The following LGI1 variants were observed in gnomAD, a reference collection of about 807,000 sequenced individuals.
LGI1 encodes the protein leucine rich glioma inactivated 1.
In LGI1, 11 loss-of-function variants were observed where a neutral mutation model predicts 57.7. The ratio of observed to expected loss-of-function variants is 0.19; its 90% CI spans 0.12 to 0.32. The LOEUF is 0.32. Ranked by LOEUF, LGI1 falls within the 10% of genes least tolerant of loss-of-function variation. LGI1 has a pLI of 1.00. For missense variants in LGI1, 422 were observed against 661.9 expected (o/e 0.64, Z 3.98); for synonymous variants, 222 against 241.9 (o/e 0.92, Z 0.76).
At chr10:93,796,726 A>G (rs189431163) in intron 7 of LGI1, among the ~76,000 whole-genome samples, 4 of 152,348 alleles carry the variant, frequency 2.6e-5, no homozygotes, top group Non-Finnish European at 2.9e-5. Context: ...CTGAACGTCT[A>G]GCGCAGGCTA....
intron 7 of LGI1, chr10:93,794,406 C>T (rs2059963243): frequency 6.8e-6 from 1 of 147,560 alleles, no homozygotes; most frequent in Non-Finnish European, 1.5e-5. Flanking sequence ...CTCTGTTACC[C>T]AGGCTGGAGT....
At chr10:93,769,654 T>C (rs1241294547) in intron 2 of LGI1, 3 of 152,232 alleles carry the variant, frequency 2.0e-5, no homozygotes, top group African/African-American at 7.2e-5. Context: ...TGAAACAGAT[T>C]TACCTACTTG....
At chr10:93,784,761 T>C (rs1040939398) in intron 4 of LGI1, among the ~76,000 whole-genome samples, 1 of 152,140 alleles carries the variant, frequency 6.6e-6, no homozygotes, top group Non-Finnish European at 1.5e-5. Context: ...GGCTAACAGA[T>C]CTTTGCAGAG....
intron 2 of LGI1, among the ~76,000 whole-genome samples, chr10:93,774,136 G>A (rs1011394619): frequency 3.9e-5 from 6 of 152,158 alleles, no homozygotes; most frequent in Admixed American, 6.5e-5. Context: ...GCAAGGAGCA[G>A]AGACCCCTTG....
chr10:93,780,431 C>A (rs942014795), intron 4 of LGI1: 1 of 152,178 alleles, frequency 6.6e-6, no homozygotes, highest in Non-Finnish European at 1.5e-5. Flanking sequence ...CTTCAAAGTG[C>A]ACTTTTCTCC....
Position 93,758,502 on chromosome 10 carries a change from G to T in LGI1, c.215+143G>T. 1 of 898,388 alleles carries T rather than the reference G, an allele frequency of 1.1e-6. No individual in the cohort carries two copies. Among genetic ancestry groups the T allele is most frequent in the Admixed American group, 2.0e-5 (1 of 49,766 alleles). 55.7% of individuals were successfully genotyped at this position (898,388 alleles called of 1,614,324 possible). A position where few individuals can be genotyped will look rare whatever the true frequency, so the allele number is the denominator to read the frequency against. ...TGGCCATTTGACAGTGCTAACATTT[G>T]CTGCATTTAGAATTTTTGATTTTTT... On this transcript the variant is annotated intron_variant, in intron 1 of 7. Coordinates refer to ENST00000371418, the MANE Select transcript of LGI1 (RefSeq NM_005097.4). This position sits in a 1 kb window ranked among gnomAD's most constrained non-coding sequence, Gnocchi z 4.7.
At chr10:93,771,138 T>C (rs2059733663) in intron 2 of LGI1, 1 of 152,250 alleles carries the variant, frequency 6.6e-6, no homozygotes, top group East Asian at 1.9e-4. Flanking sequence ...CATACTCAAA[T>C]AGGGGAGATT....
chr10:93,775,586 A>G (rs11187661), intron 2 of LGI1, among the ~76,000 whole-genome samples: 5,224 of 152,306 alleles, frequency 0.034, 314 homozygotes, highest in African/African-American at 0.12. Flanking sequence ...TTCAGTGTCC[A>G]CTAGAGGACA....
chr10:93,792,936 C>T (rs773220482), intron 6 of LGI1, 24 bp downstream of exon 6: 2 of 1,608,436 alleles, frequency 1.2e-6, no homozygotes, highest in East Asian at 4.5e-5. Flanking sequence ...CATCATTCCA[C>T]CTCAAAAAAT....
chr10:93,792,648 A>G (rs1161469253), intron 5 of LGI1, 95 bp from the exon 6 acceptor site: 1 of 1,282,242 alleles, frequency 7.8e-7, no homozygotes, highest in Non-Finnish European at 1.1e-6. Flanking sequence ...AACGCCGGGT[A>G]AGGTCATTCT....
chr10:93,766,076 G>A (rs971504626), intron 2 of LGI1, among the ~76,000 whole-genome samples: 1 of 151,866 alleles, frequency 6.6e-6, no homozygotes, highest in Non-Finnish European at 1.5e-5. Context: ...GAAACTGGCT[G>A]TTATAAGGTT....
At chr10:93,760,619 A>G (rs971479226) in intron 2 of LGI1, among the ~76,000 whole-genome samples, 1 of 152,162 alleles carries the variant, frequency 6.6e-6, no homozygotes, top group Non-Finnish European at 1.5e-5. Flanking sequence ...CCACATCTCC[A>G]CTTTGTTTTT....
intron 2 of LGI1, chr10:93,763,492 T>C (rs1036933876): frequency 2.0e-5 from 3 of 152,254 alleles, no homozygotes; most frequent in Non-Finnish European, 4.4e-5. Context: ...AACCCAGACA[T>C]GTTTTCCCAT....
intron 4 of LGI1, among the ~76,000 whole-genome samples, chr10:93,787,921 A>AG (rs1285649910): frequency 6.6e-6 from 1 of 152,054 alleles, no homozygotes; most frequent in East Asian, 1.9e-4. Flanking sequence ...AAAAAAAAAA[A>AG]AAAAGAATTC....
chr10:93,763,860 A>T (rs2059647727), intron 2 of LGI1: 1 of 152,214 alleles, frequency 6.6e-6, no homozygotes, highest in East Asian at 1.9e-4. Context: ...GAGGCCGACT[A>T]GTCTGTCCTG....
chr10:93,793,553 G>T (rs746376861), intron 7 of LGI1, among the ~76,000 whole-genome samples: 2 of 152,194 alleles, frequency 1.3e-5, no homozygotes, highest in Non-Finnish European at 2.9e-5. Context: ...TCACAAGGTT[G>T]TTAATAAGAT....
intron 2 of LGI1, chr10:93,769,541 C>T (rs1459459936): frequency 6.6e-6 from 1 of 152,196 alleles, no homozygotes; most frequent in Admixed American, 6.5e-5. Context: ...TTAGCTATTC[C>T]TTGGCAGAAG....
At chr10:93,779,972 T>G (rs1481871501) in intron 4 of LGI1, among the ~76,000 whole-genome samples, 1 of 152,214 alleles carries the variant, frequency 6.6e-6, no homozygotes, top group Non-Finnish European at 1.5e-5. Context: ...GTTAGGCTGT[T>G]TTTTATCTAC....
In LGI1 at chr10:93,796,962, T is replaced by C. The variant is rs1589775639; in HGVS notation, c.839-6T>C. On this transcript the variant is annotated splice_region_variant and splice_polypyrimidine_tract_variant and intron_variant, in intron 7 of 7. Transcript: ENST00000371418. ...CACAACTAATCTCTCCTTTGTCTTT[T>C]CCCAGGCACATCCACTGTAGTATGC... 1 of 1,608,522 alleles carries C rather than the reference T, an allele frequency of 6.2e-7. No homozygotes were observed. The highest frequency in any genetic ancestry group is 1.7e-4 in the Middle Eastern group (1 of 6,040).
Sources: gnomAD v4.1 joint callset for allele counts (sites outside exome capture counted in the v4.1 genomes callset) on GRCh38, gnomAD v4.1.1 for gene constraint, Gnocchi (gnomAD v3.1) non-coding constraint, MANE v1.5 for transcripts, NCBI Gene and HGNC (gene_info 2026-07-23, HGNC 2026-07-21) for gene names.